RASAL3: variants seen among roughly 807,000 people sequenced by gnomAD.
RASAL3 encodes RAS protein activator like 3.
RASAL3 carries 74 observed loss-of-function variants against 105.5 expected under a neutral mutation model. The observed-to-expected ratio is 0.70, with a 90% CI of 0.58 to 0.85. RASAL3 has a LOEUF of 0.85. RASAL3 is among the 40% of genes least tolerant of loss of function. The pLI is 0.00. For missense variants in RASAL3, 1,352 were observed against 1,392.0 expected (o/e 0.97, Z 0.46); for synonymous variants, 579 against 591.6 (o/e 0.98, Z 0.31).
At chr19:15,455,056 C>G (rs1440729912) in intron 11 of RASAL3, among the ~76,000 whole-genome samples, 163 bp from the exon 12 acceptor site, 1 of 152,176 alleles carries the variant, frequency 6.6e-6, no homozygotes, top group Non-Finnish European at 1.5e-5. Context: ...AACCTGGGGT[C>G]TGGGCTCTAG....
At chr19:15,461,671 C>T in intron 2 of RASAL3, 64 bp from the exon 3 acceptor site, 1 of 1,437,644 alleles carries the variant, frequency 7.0e-7, no homozygotes, top group East Asian at 2.6e-5. Flanking sequence ...GCTACCCTTT[C>T]CATTCCCGAA....
intron 17 of RASAL3, 38 bp downstream of exon 17, chr19:15,452,007 C>A (rs748794467): frequency 6.2e-7 from 1 of 1,613,734 alleles, no homozygotes; most frequent in African/African-American, 1.3e-5. Context: ...GCTCCTCCAC[C>A]GCCCAGACCT....
At chr19:15,452,987 GC>G in intron 15 of RASAL3, 119 bp downstream of exon 15, 1 of 1,506,520 alleles carries the variant, frequency 6.6e-7, no homozygotes, top group Non-Finnish European at 9.0e-7. Flanking sequence ...GTCGGGCTAG[GC>G]CTGGGGTCAC....
chr19:15,457,472 C>A lies in RASAL3; in HGVS notation c.1251G>T (p.Ala417=). 1 of 1,305,486 alleles carries A rather than the reference C, an allele frequency of 7.7e-7. No homozygotes were observed. Among genetic ancestry groups the A allele is most frequent in the Middle Eastern group, 2.7e-4 (1 of 3,730 alleles). 80.9% of individuals were successfully genotyped at this position (1,305,486 alleles called of 1,614,324 possible). Residue 417 remains alanine, a synonymous_variant, in exon 9 of 18, where the codon GCG becomes GCT. Transcript: ENST00000343625. This position sits in a 1 kb window ranked among gnomAD's most constrained non-coding sequence, Gnocchi z 8.6. ...CGCGCAGGCGACGCGCCCGAATCCG[C>A]GCCCGCAGCGCTGCGCCCGCCGGCG... ...LGAPAGAALR[A]RIRARRLRVL...
intron 6 of RASAL3, 131 bp from the exon 7 acceptor site, chr19:15,458,786 C>T (rs1448730794): frequency 9.1e-7 from 1 of 1,098,616 alleles, no homozygotes; most frequent in African/African-American, 2.4e-5. Flanking sequence ...GCCCCCCCCA[C>T]CCCCCGCCAT....
In RASAL3 at chr19:15,458,319, G is replaced by A. The variant is rs200279513; in HGVS notation, c.888+9C>T. On this transcript the variant is annotated intron_variant, in intron 8 of 17. Transcript: ENST00000343625. ...GGTCTCCGTGTCCCGCTTTTCTGAG[G>A]GCAATGACCTGGGTGGGCTGGAATT... The A allele has an allele frequency of 6.2e-7, 1 of 1,612,286 alleles. No individual in the cohort carries two copies. Among genetic ancestry groups the A allele is most frequent in the East Asian group, 2.2e-5 (1 of 44,816 alleles).
Position 15,461,275 on chromosome 19 carries a change from C to A in RASAL3, c.487G>T (p.Gly163Ter). 6.2e-7 allele frequency: 1 copy of A among 1,613,708 alleles called. No homozygotes were observed. Among genetic ancestry groups the A allele is most frequent in the Non-Finnish European group, 8.5e-7 (1 of 1,179,818 alleles). The change falls in exon 4 of 18, where the codon GGA becomes TGA. Residue 163 changes from glycine to a stop codon, truncating the protein, a stop_gained. Coordinates refer to ENST00000343625, the MANE Select transcript of RASAL3 (RefSeq NM_022904.3). LOFTEE classifies it high-confidence loss of function. ...EEEGPRRPRV[G>*]SASSEGSIHV... ...ATGCTGCCCTCGGAGCTAGCACTTC[C>A]CACCCGGGGCCTTCGAGGACCCTGT...
At chr19:15,458,783 C>T in intron 6 of RASAL3, 128 bp from the exon 7 acceptor site, 5 of 1,174,786 alleles carry the variant, frequency 4.3e-6, no homozygotes, top group Non-Finnish European at 5.7e-6. Context: ...CGTGCCCCCC[C>T]CACCCCCCGC....
Position 15,461,280 on chromosome 19 carries a change from C to T in RASAL3, c.482G>A (p.Arg161Gln), listed in dbSNP as rs751182066. ...GCCCTCGGAGCTAGCACTTCCCACC[C>T]GGGGCCTTCGAGGACCCTGTTCTCC... ...GGEEEGPRRP[R>Q]VGSASSEGSI... is the part of the protein sequence containing the mutation. The change falls in exon 4 of 18, where the codon CGG becomes CAG. Residue 161 changes from arginine (R) to glutamine (Q), a missense_variant. Physicochemically the swap from Arg to Gln is conservative, Grantham distance 43. Transcript: ENST00000343625. 4.8e-5 allele frequency: 78 copies of T among 1,613,442 alleles called. No homozygotes were observed. In the South Asian group the frequency reaches 4.9e-4, roughly 10 times the overall value.
rs199761673 is a variant in RASAL3 at position 15,451,981 on chromosome 19, C to T, written c.2893-43G>A. The T allele has an allele frequency of 7.1e-5, 115 of 1,613,446 alleles. No individual in the cohort carries two copies. In the Middle Eastern group the frequency reaches 1.2e-3, roughly 16 times the overall value. ...ATGGGGTTCAGAAACCAGGAGAGGG[C>T]TGCACCGCAACCCTTGCTCCTCCAC... is the stretch of plus-strand genomic sequence containing the variant. On this transcript the variant is annotated intron_variant, in intron 17 of 17. Coordinates refer to ENST00000343625, the MANE Select transcript of RASAL3 (RefSeq NM_022904.3).
Position 15,453,316 on chromosome 19 carries a change from G to A in RASAL3, c.2461C>T (p.Pro821Ser), listed in dbSNP as rs750324054. ...PRPVQRTQSV[P>S]VRRPARRRQS... is the part of the protein sequence containing the mutation. ...CGGCGGCGGGCAGGACGCCGGACCG[G>A]GACACTCTGCGTGCGCTGCACCGGC... The change falls in exon 15 of 18, where the codon CCG (proline) becomes TCG (serine). Residue 821 changes from proline to serine, a missense_variant. Transcript: ENST00000343625. The surrounding 1 kb of genome is among the most constrained non-coding windows in gnomAD (Gnocchi z 4.2). 4.0e-6 allele frequency: 6 copies of A among 1,481,870 alleles called. No individual in the cohort carries two copies. Among genetic ancestry groups the A allele is most frequent in the Non-Finnish European group, 5.4e-6 (6 of 1,121,380 alleles). 91.8% of individuals were successfully genotyped at this position (1,481,870 alleles called of 1,614,324 possible).
chr19:15,460,922 T>C (rs758521549), intron 5 of RASAL3, 138 bp downstream of exon 5: 12 of 755,666 alleles, frequency 1.6e-5, no homozygotes, highest in East Asian at 5.3e-5. Context: ...ATTAGCTTCA[T>C]TTGACAGACT....
In RASAL3 at chr19:15,457,316, C is replaced by A. The variant is rs551428910; in HGVS notation, c.1407G>T (p.Val469=). ...CCTGCGCCCGGCCGGTGGCCCGCAG[C>A]ACGCGCACCATGGCTGCCGCCAGCT... ...KEELAAAMVR[V]LRATGRAQAL... The change falls in exon 9 of 18, where the codon GTG becomes GTT. Residue 469 remains valine (V), a synonymous_variant. Coordinates refer to ENST00000343625, the MANE Select transcript of RASAL3 (RefSeq NM_022904.3). This position sits in a 1 kb window ranked among gnomAD's most constrained non-coding sequence, Gnocchi z 8.6. 10 of 1,338,460 alleles carry A rather than the reference C, an allele frequency of 7.5e-6. No homozygotes were observed. Among genetic ancestry groups the A allele is most frequent in the Non-Finnish European group, 9.5e-6 (10 of 1,048,698 alleles). 82.9% of individuals were successfully genotyped at this position (1,338,460 alleles called of 1,614,324 possible).
Position 15,457,981 on chromosome 19 carries a change from G to A in RASAL3, c.889-147C>T, listed in dbSNP as rs1970381927. ...CTTTGGGGAAAGAAGTGGAGCCACGGGAGTCCGGAGGCGGTTACGCGGAAG... is the reference window on the plus strand; with the variant it reads ...CTTTGGGGAAAGAAGTGGAGCCACGAGAGTCCGGAGGCGGTTACGCGGAAG... On this transcript the variant is annotated intron_variant, in intron 8 of 17. Coordinates refer to ENST00000343625, the MANE Select transcript of RASAL3 (RefSeq NM_022904.3). This position sits in a 1 kb window ranked among gnomAD's most constrained non-coding sequence, Gnocchi z 8.6. The A allele has an allele frequency of 1.1e-6, 1 of 913,494 alleles. No individual in the cohort carries two copies. The highest frequency in any genetic ancestry group is 1.6e-6 in the Non-Finnish European group (1 of 613,858). 56.6% of individuals were successfully genotyped at this position (913,494 alleles called of 1,614,324 possible).
At chr19:15,452,630 C>G in intron 16 of RASAL3, 28 bp downstream of exon 16, 1 of 1,456,766 alleles carries the variant, frequency 6.9e-7, no homozygotes, top group South Asian at 1.4e-5. Context: ...CACCTGGGGG[C>G]GGAGCTAATG....
rs1970178182 is a variant in RASAL3 at position 15,452,405 on chromosome 19, G to C, written c.2828+253C>G. 5.1e-6 allele frequency: 3 copies of C among 592,098 alleles called. No individual in the cohort carries two copies. In the East Asian group the frequency reaches 8.3e-5, roughly 16 times the overall value. 36.7% of individuals were successfully genotyped at this position (592,098 alleles called of 1,614,324 possible). On this transcript the variant is annotated intron_variant, in intron 16 of 17. Coordinates refer to ENST00000343625, the MANE Select transcript of RASAL3 (RefSeq NM_022904.3). ...ATATCTCAGTGCCCGGCCCAGCCAG[G>C]TTGGGAGGGGCTGATGGAGGGGTGG...
In RASAL3 at chr19:15,461,593, G is replaced by A. The variant is rs778171668; in HGVS notation, c.343C>T (p.Pro115Ser). 5.9e-6 allele frequency: 9 copies of A among 1,531,352 alleles called. No individual in the cohort carries two copies. In the African/African-American group the frequency reaches 8.4e-5, roughly 14 times the overall value. 94.9% of individuals were successfully genotyped at this position (1,531,352 alleles called of 1,614,324 possible). ...TGTGGGGTAGGGGGCTCCAGCTCTG[G>A]CTCCGGCTCCAGCTCTGGGAAGAAG... ...EQEAPELEPE[P>S]ELEPPTPQIP... Residue 115 changes from proline (P) to serine (S), a missense_variant, in exon 3 of 18, where the codon CCA becomes TCA. By Grantham distance (74) the Pro-to-Ser change is moderately conservative. Coordinates refer to ENST00000343625, the MANE Select transcript of RASAL3 (RefSeq NM_022904.3).
chr19:15,458,251 G>A (rs1970391175), intron 8 of RASAL3, 77 bp downstream of exon 8: 1 of 1,403,062 alleles, frequency 7.1e-7, no homozygotes, highest in Non-Finnish European at 9.9e-7. Context: ...GGAGCGAGCT[G>A]GCTTTGGGTA....
At chr19:15,463,909 T>C in intron 2 of RASAL3, 122 bp downstream of exon 2, 1 of 936,054 alleles carries the variant, frequency 1.1e-6, no homozygotes. Context: ...AGCGGCTTCC[T>C]GCTGGGCTTT....
Sources: gnomAD v4.1 joint callset for allele counts (sites outside exome capture counted in the v4.1 genomes callset) on GRCh38, gnomAD v4.1.1 for gene constraint, Gnocchi (gnomAD v3.1) non-coding constraint, MANE v1.5 for transcripts, NCBI Gene and HGNC (gene_info 2026-07-23, HGNC 2026-07-21) for gene names.